ATRNL1: variants seen among roughly 807,000 people sequenced by gnomAD.
ATRNL1 encodes attractin-like protein 1.
In ATRNL1, 95 loss-of-function variants were observed where a neutral mutation model predicts 182.7. The ratio of observed to expected loss-of-function variants is 0.52; its 90% CI spans 0.44 to 0.62. The LOEUF (loss-of-function observed/expected upper bound fraction) is 0.62. ATRNL1 is among the 20% of genes least tolerant of loss of function. The pLI is 0.00. For missense variants in ATRNL1, 1,471 were observed against 1,679.5 expected (o/e 0.88, Z 2.17); for synonymous variants, 576 against 568.3 (o/e 1.01, Z -0.19).
chr10:115,570,142 T>G (rs1259026081), intron 26 of ATRNL1, among the ~76,000 whole-genome samples: 1 of 152,198 alleles, frequency 6.6e-6, no homozygotes, highest in Admixed American at 6.5e-5. Flanking sequence ...TTGTATTTTT[T>G]TAGTAGAGAT....
intron 26 of ATRNL1, among the ~76,000 whole-genome samples, chr10:115,609,401 A>C (rs1401743472): frequency 1.3e-5 from 2 of 151,878 alleles, no homozygotes; most frequent in African/African-American, 4.8e-5. Context: ...CTTTACCCTA[A>C]CTCCTGAGTT....
intron 10 of ATRNL1, among the ~76,000 whole-genome samples, chr10:115,253,014 A>G (rs1302175249): frequency 6.6e-6 from 1 of 152,220 alleles, no homozygotes; most frequent in African/African-American, 2.4e-5. Flanking sequence ...CTGGCAATGT[A>G]TGATCCAGCT....
chr10:115,915,063 C>G (rs1361828787), intron 28 of ATRNL1, among the ~76,000 whole-genome samples: 1 of 152,120 alleles, frequency 6.6e-6, no homozygotes, highest in Middle Eastern at 3.2e-3. Context: ...TTACGAATAT[C>G]TAGTCAAATA....
chr10:115,445,680 T>C (rs1010074994), intron 21 of ATRNL1, among the ~76,000 whole-genome samples: 1 of 152,066 alleles, frequency 6.6e-6, no homozygotes, highest in African/African-American at 2.4e-5. Context: ...TAGTATATTA[T>C]ACACAGTTGT....
chr10:115,728,357 A>C (rs1023772227), intron 27 of ATRNL1, among the ~76,000 whole-genome samples: 1 of 150,188 alleles, frequency 6.7e-6, no homozygotes, highest in Non-Finnish European at 1.5e-5. Flanking sequence ...ATTAATGACT[A>C]TTCAAAGCAT....
chr10:115,220,734 G>GC (rs1176843373), intron 9 of ATRNL1, among the ~76,000 whole-genome samples: 1 of 91,808 alleles, frequency 1.1e-5, no homozygotes, highest in Admixed American at 1.3e-4. Context: ...TGGGGGGGGG[G>GC]GGGCGGGGTC....
chr10:115,273,726 G>C (rs1373575769), intron 13 of ATRNL1, among the ~76,000 whole-genome samples: 2 of 152,170 alleles, frequency 1.3e-5, no homozygotes, highest in Non-Finnish European at 2.9e-5. Context: ...CTCTTCCTCT[G>C]TCAAGTGATC....
intron 26 of ATRNL1, among the ~76,000 whole-genome samples, chr10:115,620,066 G>A (rs1404603166): frequency 1.3e-5 from 2 of 152,184 alleles, no homozygotes; most frequent in Non-Finnish European, 2.9e-5. Context: ...AAATAAAAGA[G>A]GTTTATTTTG....
At chr10:115,656,774 G>A (rs1157625069) in intron 26 of ATRNL1, among the ~76,000 whole-genome samples, 1 of 152,098 alleles carries the variant, frequency 6.6e-6, no homozygotes, top group East Asian at 1.9e-4. Context: ...AGTGGTGGTA[G>A]GAGGTTCTCC....
chr10:115,756,500 C>T (rs932000254), intron 27 of ATRNL1, among the ~76,000 whole-genome samples: 40 of 152,138 alleles, frequency 2.6e-4, no homozygotes, highest in African/African-American at 8.9e-4. Context: ...ATCCTGAGTT[C>T]TGATTTGATT....
intron 28 of ATRNL1, among the ~76,000 whole-genome samples, chr10:115,928,374 G>A (rs1170113719): frequency 6.6e-6 from 1 of 151,978 alleles, no homozygotes; most frequent in African/African-American, 2.4e-5. Flanking sequence ...GTTAATGAAA[G>A]GAACTATATT....
chr10:115,910,437 C>T (rs1353109934), intron 28 of ATRNL1, among the ~76,000 whole-genome samples: 2 of 152,188 alleles, frequency 1.3e-5, no homozygotes, highest in Non-Finnish European at 2.9e-5. Flanking sequence ...CACCCTGTCA[C>T]ACCTCCTGAC....
At chr10:115,096,085 A>C (rs756354215) in intron 1 of ATRNL1, among the ~76,000 whole-genome samples, 29 of 152,352 alleles carry the variant, frequency 1.9e-4, no homozygotes, top group East Asian at 1.9e-4. Context: ...TTCATAAACA[A>C]AATACATTAG....
chr10:115,792,023 A>G (rs1409884391), intron 27 of ATRNL1, among the ~76,000 whole-genome samples: 1 of 152,158 alleles, frequency 6.6e-6, no homozygotes, highest in African/African-American at 2.4e-5. Flanking sequence ...CTTTGCTTAC[A>G]GTTATCCCAT....
chr10:115,276,974 C>G (rs1852133337), intron 13 of ATRNL1, among the ~76,000 whole-genome samples: 1 of 151,988 alleles, frequency 6.6e-6, no homozygotes, highest in Non-Finnish European at 1.5e-5. Context: ...TGACATAAAA[C>G]TATTATTCTT....
chr10:115,785,355 G>A (rs183459132), intron 27 of ATRNL1, among the ~76,000 whole-genome samples: 179 of 152,272 alleles, frequency 1.2e-3, no homozygotes, highest in Admixed American at 3.6e-3. Flanking sequence ...GCCTTTGTTG[G>A]GGCATCCCCA....
chr10:115,194,461 G>T (rs541033628), intron 8 of ATRNL1, among the ~76,000 whole-genome samples: 1 of 151,642 alleles, frequency 6.6e-6, no homozygotes, highest in Non-Finnish European at 1.5e-5. Flanking sequence ...TCTTTTTGCA[G>T]TTTTTTTCTC....
intron 25 of ATRNL1, among the ~76,000 whole-genome samples, chr10:115,529,422 G>A (rs7086325): frequency 0.65 from 98,188 of 151,304 alleles, 32,769 homozygotes; most frequent in Middle Eastern, 0.73. Context: ...TAATAATCTG[G>A]GAATCTCTTA....
At chr10:115,393,766 A>G (rs1264568671) in intron 19 of ATRNL1, among the ~76,000 whole-genome samples, 1 of 152,122 alleles carries the variant, frequency 6.6e-6, no homozygotes, top group African/African-American at 2.4e-5. Context: ...TACAAGAAAG[A>G]TTATACATGT....
Sources: gnomAD v4.1 joint callset for allele counts (sites outside exome capture counted in the v4.1 genomes callset) on GRCh38, gnomAD v4.1.1 for gene constraint, MANE v1.5 for transcripts, NCBI Gene and HGNC (gene_info 2026-07-23, HGNC 2026-07-21) for gene names.